Variants in NGEF observed in about 807,000 individuals in gnomAD.
NGEF encodes the protein neuronal guanine nucleotide exchange factor.
Under a neutral mutation model 80.9 loss-of-function variants are expected in NGEF, and 31 were observed. That is an observed-to-expected ratio of 0.38 (90% CI 0.29 to 0.52). The LOEUF is 0.52. NGEF is among the 20% of genes least tolerant of loss of function. The pLI is 0.84. For missense variants in NGEF, 709 were observed against 926.2 expected (o/e 0.77, Z 3.04); for synonymous variants, 371 against 370.2 (o/e 1.00, Z -0.03).
chr2:233,003,786 G>A (rs192283314), intron 1 of NGEF, among the ~76,000 whole-genome samples: 5 of 152,206 alleles, frequency 3.3e-5, no homozygotes, highest in African/African-American at 9.6e-5. Context: ...TCCAGGAGGC[G>A]CCCTGAGTCC....
Position 232,998,009 on chromosome 2 carries a change from T to A in NGEF, c.-75+15059A>T, listed in dbSNP as rs1694889916. 5.9e-5 allele frequency among the ~76,000 whole-genome samples: 9 copies of A among 152,246 alleles called. No homozygotes were observed. In the South Asian group the frequency reaches 1.9e-3, roughly 32 times the overall value. On this transcript the variant is annotated intron_variant, in intron 1 of 14. Coordinates refer to ENST00000264051, the MANE Select transcript of NGEF (RefSeq NM_019850.3). ...GCTTCTGCCACCTGCAGCCCCTCTC[T>A]GCCCCATGGTTTCTGAGCAGGAGGT...
chr2:232,906,054 C>T (rs994565255), intron 5 of NGEF, among the ~76,000 whole-genome samples: 3 of 134,594 alleles, frequency 2.2e-5, no homozygotes, highest in African/African-American at 8.5e-5. Flanking sequence ...CCAGCCGCCC[C>T]GTCCGGGAGG....
chr2:232,918,442 C>T (rs934382506), intron 5 of NGEF, among the ~76,000 whole-genome samples: 1 of 151,882 alleles, frequency 6.6e-6, no homozygotes, highest in African/African-American at 2.4e-5. Flanking sequence ...GAGTGTAAGC[C>T]GTTTGCATTA....
intron 5 of NGEF, among the ~76,000 whole-genome samples, chr2:232,913,714 A>C (rs1692736493): frequency 6.6e-6 from 1 of 152,038 alleles, no homozygotes; most frequent in Non-Finnish European, 1.5e-5. Flanking sequence ...AGATCAGGAG[A>C]TTGAGATCAT....
intron 1 of NGEF, among the ~76,000 whole-genome samples, chr2:232,985,217 T>A (rs1198267187): frequency 6.6e-6 from 1 of 152,226 alleles, no homozygotes; most frequent in East Asian, 1.9e-4. Context: ...AACTGTTAGA[T>A]GAGATAACAG....
At chr2:232,885,508 T>C in intron 9 of NGEF, 139 bp from the exon 10 acceptor site, 5 of 683,284 alleles carry the variant, frequency 7.3e-6, no homozygotes, top group South Asian at 5.1e-5. Context: ...GGCTGGCCAG[T>C]CTCAGTCGGA....
At chr2:232,993,207 T>TTATATATATAAATAAATATATATATTTA (rs1694706884) in intron 1 of NGEF, among the ~76,000 whole-genome samples, 26 of 94,174 alleles carry the variant, frequency 2.8e-4, no homozygotes, top group East Asian at 1.1e-3. Flanking sequence ...TATATATATA[T>TTATATATATAAATAAATATATATATTTA]TTGCCCGTAT....
intron 3 of NGEF, among the ~76,000 whole-genome samples, chr2:232,967,333 C>T (rs1694082233): frequency 6.6e-6 from 1 of 151,920 alleles, no homozygotes; most frequent in Non-Finnish European, 1.5e-5. Flanking sequence ...TTCTTTTCTT[C>T]ATTATTATTA....
chr2:232,922,275 T>A (rs906988109), intron 4 of NGEF, among the ~76,000 whole-genome samples: 4 of 152,180 alleles, frequency 2.6e-5, no homozygotes, highest in Admixed American at 6.5e-5. Flanking sequence ...ACAGACCACC[T>A]TCAAAATCCT....
chr2:232,985,052 A>C (rs1694505376), intron 1 of NGEF, among the ~76,000 whole-genome samples: 1 of 152,160 alleles, frequency 6.6e-6, no homozygotes, highest in African/African-American at 2.4e-5. Context: ...CCATTTGCTG[A>C]AGGGGAGGGG....
At chr2:232,927,241 C>T in intron 3 of NGEF, 55 bp from the exon 4 acceptor site, 1 of 1,502,268 alleles carries the variant, frequency 6.7e-7, no homozygotes, top group East Asian at 2.3e-5. Flanking sequence ...GGATTCACCT[C>T]GGCTGGCTAG....
Position 232,998,635 on chromosome 2 carries a change from G to A in NGEF, c.-75+14433C>T, listed in dbSNP as rs139717570. 2.4e-4 allele frequency among the ~76,000 whole-genome samples: 37 copies of A among 152,306 alleles called. 1 individual carries two copies. Among genetic ancestry groups the A allele is most frequent in the Middle Eastern group, 3.4e-3 (1 of 294 alleles). Reference sequence around the variant, plus strand: ...CCTTCTACACAGGGGGCCCTGGGCAGTTTGGGGGCAGGGGCTCAAAGCAGT... The same window carrying A: ...CCTTCTACACAGGGGGCCCTGGGCAATTTGGGGGCAGGGGCTCAAAGCAGT... On this transcript the variant is annotated intron_variant, in intron 1 of 14. Transcript: ENST00000264051.
chr2:232,904,964 A>G (rs1023168107), intron 5 of NGEF, among the ~76,000 whole-genome samples: 2 of 152,092 alleles, frequency 1.3e-5, no homozygotes, highest in African/African-American at 4.8e-5. Context: ...ACAAACAAAA[A>G]CAACAAACTA....
At chr2:232,919,383 G>A (rs565974921) in intron 5 of NGEF, among the ~76,000 whole-genome samples, 4 of 152,194 alleles carry the variant, frequency 2.6e-5, no homozygotes, top group South Asian at 2.1e-4. Context: ...GAGACGGAGC[G>A]GAAGAGGACA....
intron 3 of NGEF, among the ~76,000 whole-genome samples, chr2:232,947,197 C>A (rs938459094): frequency 6.6e-6 from 1 of 152,188 alleles, no homozygotes; most frequent in Non-Finnish European, 1.5e-5. Context: ...ACCAAATGAT[C>A]AAATGTAGCA....
At position 232,879,690 on chromosome 2, in the gene NGEF, A is replaced by C; in HGVS notation, c.1943-11T>G. On this transcript the variant is annotated splice_polypyrimidine_tract_variant and intron_variant, in intron 14 of 14. Coordinates refer to ENST00000264051, the MANE Select transcript of NGEF (RefSeq NM_019850.3). The stretch of plus-strand genomic sequence containing the variant: ...CGCCAAAGATCCACCCTGTGCAGGG[A>C]GGGGAGGGAGAGAAGGTCAGTGCTC... 6.2e-7 allele frequency: 1 copy of C among 1,603,256 alleles called. No homozygotes were observed. Among genetic ancestry groups the C allele is most frequent in the Non-Finnish European group, 8.5e-7 (1 of 1,171,792 alleles).
At chr2:233,005,649 A>G (rs186161894) in intron 1 of NGEF, among the ~76,000 whole-genome samples, 2 of 152,284 alleles carry the variant, frequency 1.3e-5, no homozygotes, top group Admixed American at 1.3e-4. Context: ...AAGAGACCAC[A>G]AGCAAAGTAG....
chr2:232,879,436 C>CCCTT lies in NGEF; in HGVS notation c.*52_*53insAAGG. 6.8e-7 allele frequency: 1 copy of CCCTT among 1,460,014 alleles called. No individual in the cohort carries two copies. The highest frequency in any genetic ancestry group is 1.3e-5 in the South Asian group (1 of 76,654). 90.4% of individuals were successfully genotyped at this position (1,460,014 alleles called of 1,614,324 possible). On this transcript the variant is annotated 3_prime_UTR_variant, in exon 15 of 15. Coordinates refer to ENST00000264051, the MANE Select transcript of NGEF (RefSeq NM_019850.3). ...CTTCCCAGAGCCCCCCCCCCCCCAC[C>CCCTT]TTCTGTCGGGGTCTCATGCAGGCCC... is the stretch of plus-strand genomic sequence containing the variant.
chr2:232,905,168 C>A (rs559770457), intron 5 of NGEF, among the ~76,000 whole-genome samples: 177 of 152,320 alleles, frequency 1.2e-3, no homozygotes, highest in East Asian at 4.3e-3. Context: ...GCTGGACTGT[C>A]CTGCTGCCAT....
Sources: allele counts gnomAD v4.1 joint callset (sites outside exome capture counted in the v4.1 genomes callset), GRCh38; gene constraint gnomAD v4.1.1; transcripts MANE v1.5; gene names NCBI Gene and HGNC (gene_info 2026-07-23, HGNC 2026-07-21).